Variants in STK32A observed in about 807,000 individuals in gnomAD.
STK32A encodes the protein serine/threonine kinase 32A, also known as serine/threonine-protein kinase 32A.
In STK32A, 41 loss-of-function variants were observed where a neutral mutation model predicts 53.2. The observed-to-expected ratio is 0.77, with a 90% confidence interval of 0.60 to 1.00. The LOEUF is 1.00. STK32A is among the 50% of genes least tolerant of loss of function. The pLI is 0.00. For synonymous variants in STK32A, 166 were observed against 162.8 expected, an observed-to-expected ratio of 1.02 and a Z score of -0.15; for missense variants, 458 against 485.8, an observed-to-expected ratio of 0.94 and a Z score of 0.54.
intron 8 of STK32A, among the ~76,000 whole-genome samples, chr5:147,363,712 CT>C (rs1163954775): frequency 1.3e-5 from 2 of 152,194 alleles, no homozygotes; most frequent in African/African-American, 4.8e-5. Flanking sequence ...TTATTTCTAG[CT>C]TCTGTTGTGA....
In STK32A at chr5:147,360,825, G is replaced by A. The variant is rs115100716; in HGVS notation, c.563-692G>A. Among the ~76,000 whole-genome samples the A allele has an allele frequency of 1.0e-3, 156 of 152,258 alleles. 1 individual carries two copies. The highest frequency in any genetic ancestry group is 3.6e-3 in the African/African-American group (150 of 41,534). The stretch of plus-strand genomic sequence containing the variant: ...AGGAGTTAGGTTTATTCTTAGAAGG[G>A]TAAGTAAAAGGTTCATAGTGTGTCA... On this transcript the variant is annotated intron_variant, in intron 7 of 12. Coordinates refer to ENST00000397936, the MANE Select transcript of STK32A (RefSeq NM_001112724.2).
At chr5:147,345,451 T>C (rs1367564405) in intron 6 of STK32A, among the ~76,000 whole-genome samples, 1 of 152,222 alleles carries the variant, frequency 6.6e-6, no homozygotes, top group African/African-American at 2.4e-5. Flanking sequence ...GTTTTATGTT[T>C]CTTTGTCTAT....
At chr5:147,370,417 T>C (rs971774032) in intron 8 of STK32A, among the ~76,000 whole-genome samples, 5 of 152,154 alleles carry the variant, frequency 3.3e-5, no homozygotes, top group African/African-American at 1.2e-4. Flanking sequence ...GTGTTCAACT[T>C]TAAAATTTAT....
intron 5 of STK32A, among the ~76,000 whole-genome samples, chr5:147,341,763 ATAGT>A (rs1425388083): frequency 2.0e-5 from 3 of 152,204 alleles, no homozygotes; most frequent in African/African-American, 7.2e-5. Flanking sequence ...CAAGATAACT[ATAGT>A]TAGTAACATT....
intron 4 of STK32A, among the ~76,000 whole-genome samples, chr5:147,317,060 G>A (rs1273400229): frequency 1.3e-5 from 2 of 148,640 alleles, no homozygotes; most frequent in Non-Finnish European, 3.0e-5. Flanking sequence ...ATTAATGACT[G>A]ATAACACCAC....
chr5:147,298,693 ATTC>A (rs1371579358), intron 4 of STK32A, among the ~76,000 whole-genome samples: 5 of 152,244 alleles, frequency 3.3e-5, no homozygotes, highest in Non-Finnish European at 4.4e-5. Flanking sequence ...GAGAAACTAT[ATTC>A]TTCTTGGCCA....
chr5:147,310,074 T>G (rs746716076), intron 4 of STK32A, among the ~76,000 whole-genome samples: 2 of 152,212 alleles, frequency 1.3e-5, no homozygotes, highest in Non-Finnish European at 2.9e-5. Context: ...TTTAATATTC[T>G]TAGGTCTGAG....
At chr5:147,367,803 G>C (rs1756830484) in intron 8 of STK32A, among the ~76,000 whole-genome samples, 1 of 152,164 alleles carries the variant, frequency 6.6e-6, no homozygotes, top group African/African-American at 2.4e-5. Flanking sequence ...TCAGAGGCCT[G>C]ACAGTTATTG....
In STK32A at chr5:147,387,343, A is replaced by G. The variant is rs903052236; in HGVS notation, c.*3360A>G. 1 of 152,278 alleles carries G rather than the reference A, an allele frequency of 6.6e-6. No homozygotes were observed. Among genetic ancestry groups the G allele is most frequent in the African/African-American group, 2.4e-5 (1 of 41,474 alleles). 9.4% of individuals were successfully genotyped at this position (152,278 alleles called of 1,614,324 possible). The stretch of plus-strand genomic sequence containing the variant: ...GAATGAACAGCAACCAGCACAGAGC[A>G]TTGCTAAATTAATTACAGTAATCTA... On this transcript the variant is annotated 3_prime_UTR_variant, in exon 13 of 13. Coordinates refer to ENST00000397936, the MANE Select transcript of STK32A (RefSeq NM_001112724.2).
chr5:147,271,835 G>A (rs756384648), intron 2 of STK32A, among the ~76,000 whole-genome samples: 232 of 152,196 alleles, frequency 1.5e-3, no homozygotes, highest in Non-Finnish European at 2.7e-3. Context: ...AATGGTGCCC[G>A]AAACTTCATT....
chr5:147,291,392 T>A (rs1160093794), intron 4 of STK32A, among the ~76,000 whole-genome samples: 2 of 152,056 alleles, frequency 1.3e-5, no homozygotes, highest in Admixed American at 6.6e-5. Context: ...CATCGCAGGG[T>A]GCCACAAATG....
At chr5:147,267,145 C>G (rs1292123990) in intron 2 of STK32A, among the ~76,000 whole-genome samples, 1 of 152,024 alleles carries the variant, frequency 6.6e-6, no homozygotes, top group Non-Finnish European at 1.5e-5. Flanking sequence ...AGTTCCTATT[C>G]TCTGCCAAAA....
At chr5:147,291,208 A>G (rs1471845647) in intron 4 of STK32A, among the ~76,000 whole-genome samples, 1 of 152,152 alleles carries the variant, frequency 6.6e-6, no homozygotes, top group South Asian at 2.1e-4. Context: ...AAGATTTTGC[A>G]AAGAAAGCAT....
chr5:147,393,150 C>T, the STK32A span: 3 of 152,240 alleles, frequency 2.0e-5, no homozygotes, highest in South Asian at 2.1e-4. Context: ...TAGAAGGAAG[C>T]GTCTTTAAGC....
chr5:147,284,602 C>A (rs1561692827), intron 4 of STK32A, among the ~76,000 whole-genome samples: 1 of 151,526 alleles, frequency 6.6e-6, no homozygotes, highest in African/African-American at 2.4e-5. Context: ...AGTAGCTCTT[C>A]TATACACCAA....
intron 4 of STK32A, among the ~76,000 whole-genome samples, chr5:147,280,680 C>A (rs1170685439): frequency 6.6e-6 from 1 of 151,724 alleles, no homozygotes; most frequent in Non-Finnish European, 1.5e-5. Context: ...TAGCCCTGCC[C>A]CCACCTGATG....
At chr5:147,272,402 A>G (rs1021045307) in intron 2 of STK32A, among the ~76,000 whole-genome samples, 3 of 152,230 alleles carry the variant, frequency 2.0e-5, no homozygotes, top group Non-Finnish European at 4.4e-5. Flanking sequence ...ACCATCTTTC[A>G]AAATCCATCA....
intron 9 of STK32A, 65 bp from the exon 10 acceptor site, chr5:147,373,104 T>A (rs1757071074): frequency 6.3e-7 from 1 of 1,595,734 alleles, no homozygotes; most frequent in Non-Finnish European, 8.5e-7. Flanking sequence ...TAGAGGGAAT[T>A]TGTATGATTT....
At chr5:147,292,098 C>A (rs1037557213) in intron 4 of STK32A, among the ~76,000 whole-genome samples, 2 of 152,150 alleles carry the variant, frequency 1.3e-5, no homozygotes, top group Non-Finnish European at 2.9e-5. Flanking sequence ...GGTTTCTAGG[C>A]CTGTCAAATG....
Sources: gnomAD v4.1 joint callset for allele counts (sites outside exome capture counted in the v4.1 genomes callset) on GRCh38, gnomAD v4.1.1 for gene constraint, MANE v1.5 for transcripts, NCBI Gene and HGNC (gene_info 2026-07-23, HGNC 2026-07-21) for gene names.